Variants in PARVA observed in about 807,000 individuals in gnomAD.
PARVA encodes the protein alpha-parvin.
PARVA carries 25 observed loss-of-function variants against 52.6 expected under a neutral mutation model. The observed-to-expected ratio is 0.48, with a 90% CI of 0.35 to 0.66. The LOEUF (loss-of-function observed/expected upper bound fraction) is 0.66, where lower values mean the gene tolerates loss of function less well. PARVA is among the 30% of genes least tolerant of loss of function. The probability of loss-of-function intolerance (pLI) is 0.01; values close to 1 mark genes in which losing one functional copy is unlikely to be tolerated. For missense variants in PARVA, 373 were observed against 450.9 expected (o/e 0.83, Z 1.56); for synonymous variants, 185 against 179.1 (o/e 1.03, Z -0.26).
chr11:12,480,856 TCA>T (rs1941077233), intron 4 of PARVA: 1 of 147,890 alleles, frequency 6.8e-6, no homozygotes, highest in Admixed American at 6.8e-5. Context: ...CTGGGAGGGA[TCA>T]GTCTGGAAGC....
chr11:12,416,545 G>C (rs1240740256), intron 1 of PARVA, among the ~76,000 whole-genome samples: 1 of 152,148 alleles, frequency 6.6e-6, no homozygotes, highest in Non-Finnish European at 1.5e-5. Flanking sequence ...ATGGCTCTCT[G>C]TACAGCTGGA....
At chr11:12,427,245 G>A (rs1033277783) in intron 1 of PARVA, among the ~76,000 whole-genome samples, 3 of 152,200 alleles carry the variant, frequency 2.0e-5, no homozygotes, top group Non-Finnish European at 4.4e-5. Context: ...TAACCCAGCT[G>A]AAACAGATAC....
intron 12 of PARVA, among the ~76,000 whole-genome samples, chr11:12,519,739 T>C (rs1207987670): frequency 6.6e-6 from 1 of 152,178 alleles, no homozygotes; most frequent in Non-Finnish European, 1.5e-5. Context: ...CCAGACTCGT[T>C]ATCTATTGAC....
At chr11:12,492,352 T>C (rs954568719) in intron 4 of PARVA, among the ~76,000 whole-genome samples, 10 of 152,164 alleles carry the variant, frequency 6.6e-5, no homozygotes, top group Admixed American at 6.5e-5. Flanking sequence ...CTAATACTTA[T>C]GAAGAGTTAA....
chr11:12,512,399 C>G (rs1941513234), intron 8 of PARVA, among the ~76,000 whole-genome samples: 1 of 152,198 alleles, frequency 6.6e-6, no homozygotes, highest in Non-Finnish European at 1.5e-5. Context: ...CTGGTAGTCT[C>G]AGATTTACCC....
intron 1 of PARVA, among the ~76,000 whole-genome samples, chr11:12,385,906 C>T (rs78755848): frequency 0.04 from 6,094 of 152,200 alleles, 404 homozygotes; most frequent in African/African-American, 0.14. Context: ...TTTGCTGCCC[C>T]ATCCTCCATT....
chr11:12,414,462 A>G (rs1364410914), intron 1 of PARVA, among the ~76,000 whole-genome samples: 1 of 152,236 alleles, frequency 6.6e-6, no homozygotes, highest in Non-Finnish European at 1.5e-5. Context: ...TTCATCTTTC[A>G]GCGCTGCTGG....
chr11:12,430,533 A>G (rs538570057), intron 1 of PARVA, among the ~76,000 whole-genome samples: 12 of 152,226 alleles, frequency 7.9e-5, no homozygotes, highest in African/African-American at 2.9e-4. Context: ...TCCAGCAGAA[A>G]ACCCACACAC....
intron 1 of PARVA, among the ~76,000 whole-genome samples, chr11:12,447,138 T>C (rs758317839): frequency 7.2e-5 from 11 of 152,162 alleles, no homozygotes; most frequent in Non-Finnish European, 1.5e-4. Context: ...GACTGTAAAA[T>C]TGCTCAGGTC....
At chr11:12,526,558 G>A (rs1482591129) in intron 12 of PARVA, among the ~76,000 whole-genome samples, 3 of 152,072 alleles carry the variant, frequency 2.0e-5, no homozygotes, top group Non-Finnish European at 4.4e-5. Flanking sequence ...GAGCCAGCAC[G>A]CAGCCACCAC....
At chr11:12,508,120 A>C (rs1482210229) in intron 6 of PARVA, among the ~76,000 whole-genome samples, 24 of 124,966 alleles carry the variant, frequency 1.9e-4, no homozygotes, top group Non-Finnish European at 2.8e-4. Flanking sequence ...AAAAAAAAAA[A>C]AACCAAAAAA....
intron 1 of PARVA, among the ~76,000 whole-genome samples, chr11:12,407,584 C>G (rs192253120): frequency 1.3e-5 from 2 of 152,290 alleles, no homozygotes; most frequent in East Asian, 3.9e-4. Context: ...TTCTTAGGCT[C>G]CAGTTACATG....
At chr11:12,493,820 G>A (rs1349663842) in intron 4 of PARVA, among the ~76,000 whole-genome samples, 1 of 152,154 alleles carries the variant, frequency 6.6e-6, no homozygotes, top group African/African-American at 2.4e-5. Context: ...CAATTTTCCA[G>A]TTCTCTATGG....
intron 1 of PARVA, among the ~76,000 whole-genome samples, chr11:12,414,839 C>T (rs964297241): frequency 2.6e-5 from 4 of 152,132 alleles, no homozygotes; most frequent in African/African-American, 4.8e-5. Context: ...TTATGGCCAG[C>T]CCTGGATCGA....
intron 1 of PARVA, among the ~76,000 whole-genome samples, chr11:12,378,768 G>A (rs1172759586): frequency 1.3e-5 from 2 of 152,064 alleles, no homozygotes; most frequent in Non-Finnish European, 2.9e-5. Context: ...GATGCATGAT[G>A]TACATAGTTC....
chr11:12,461,158 GTC>G (rs1940774119), intron 1 of PARVA, among the ~76,000 whole-genome samples: 1 of 152,186 alleles, frequency 6.6e-6, no homozygotes, highest in Non-Finnish European at 1.5e-5. Context: ...GCAGGTCCTT[GTC>G]TTTGTATTCA....
At chr11:12,448,045 A>G (rs1472340166) in intron 1 of PARVA, among the ~76,000 whole-genome samples, 3 of 152,248 alleles carry the variant, frequency 2.0e-5, no homozygotes, top group Non-Finnish European at 4.4e-5. Context: ...CTCACCTGTC[A>G]AGGTATCTTT....
chr11:12,475,285 G>A (rs1269638885), intron 3 of PARVA, among the ~76,000 whole-genome samples: 1 of 152,208 alleles, frequency 6.6e-6, no homozygotes, highest in East Asian at 1.9e-4. Flanking sequence ...ACGGCTGCTT[G>A]CTCCAGGAAG....
intron 1 of PARVA, among the ~76,000 whole-genome samples, chr11:12,399,478 A>G (rs1360748827): frequency 6.6e-6 from 1 of 152,082 alleles, no homozygotes; most frequent in Non-Finnish European, 1.5e-5. Context: ...GCCATGGTAC[A>G]CCCTCCTGAA....
Sources: allele counts gnomAD v4.1 joint callset (sites outside exome capture counted in the v4.1 genomes callset), GRCh38; gene constraint gnomAD v4.1.1; transcripts MANE v1.5; gene names NCBI Gene and HGNC (gene_info 2026-07-23, HGNC 2026-07-21).